The following NELL2 variants were observed in gnomAD, a reference collection of about 807,000 sequenced individuals.
NELL2 encodes protein kinase C-binding protein NELL2.
Under a neutral mutation model 109.6 loss-of-function variants are expected in NELL2, and 41 were observed. The observed-to-expected ratio is 0.37, with a 90% confidence interval of 0.29 to 0.49. The LOEUF (loss-of-function observed/expected upper bound fraction) is 0.49. NELL2 is among the 20% of genes least tolerant of loss of function. The pLI is 0.98. For synonymous variants in NELL2, 355 were observed against 344.7 expected, an observed-to-expected ratio of 1.03 and a Z score of -0.33; for missense variants, 900 against 1,008.3, an observed-to-expected ratio of 0.89 and a Z score of 1.45.
upstream of NELL2, among the ~76,000 whole-genome samples, chr12:44,917,380 C>G (rs1220732813): frequency 6.6e-6 from 1 of 152,198 alleles, no homozygotes; most frequent in Non-Finnish European, 1.5e-5. Context: ...TCCAACTGTC[C>G]TAAGTCTTAG....
At position 44,910,955 on chromosome 12, in the gene NELL2, C is replaced by T. The variant is rs146906061; in HGVS notation, c.38+2844G>A. Among the ~76,000 whole-genome samples the T allele has an allele frequency of 8.0e-4, 122 of 152,008 alleles. 1 individual carries two copies. Among genetic ancestry groups the T allele is most frequent in the Admixed American group, 3.9e-3 (59 of 15,238 alleles). On this transcript the variant is annotated intron_variant, in intron 1 of 20. Transcript: ENST00000333837. ...ATAAGTGGGAGCTAAACTTTAGGTACTTTTGGACATAAAGATGGCAATAAT... is the reference window on the plus strand; with the variant it reads ...ATAAGTGGGAGCTAAACTTTAGGTATTTTTGGACATAAAGATGGCAATAAT...
At chr12:44,853,848 C>T (rs575518994) in intron 2 of NELL2, among the ~76,000 whole-genome samples, 61 of 152,162 alleles carry the variant, frequency 4.0e-4, no homozygotes, top group Non-Finnish European at 6.0e-4. Context: ...CAGTGAAGGA[C>T]ATGTCCTCCT....
At chr12:44,603,840 C>T (rs1945304803) in intron 15 of NELL2, among the ~76,000 whole-genome samples, 1 of 152,082 alleles carries the variant, frequency 6.6e-6, no homozygotes, top group South Asian at 2.1e-4. Flanking sequence ...GTGGTAAGTG[C>T]AAGACACATT....
chr12:44,902,680 G>A (rs1592713408), intron 1 of NELL2, among the ~76,000 whole-genome samples: 1 of 152,158 alleles, frequency 6.6e-6, no homozygotes. Context: ...AACCAAAACA[G>A]CATGGTACTG....
At chr12:44,871,011 A>G (rs1408523816) in intron 2 of NELL2, among the ~76,000 whole-genome samples, 1 of 152,036 alleles carries the variant, frequency 6.6e-6, no homozygotes, top group Non-Finnish European at 1.5e-5. Flanking sequence ...TTCCTCATAT[A>G]CTTTATTTCA....
chr12:44,579,304 T>C (rs1944237869), intron 15 of NELL2, among the ~76,000 whole-genome samples: 2 of 152,208 alleles, frequency 1.3e-5, no homozygotes, highest in South Asian at 4.1e-4. Flanking sequence ...ACCAGGGGGC[T>C]AATTATAGGT....
intron 1 of NELL2, among the ~76,000 whole-genome samples, chr12:44,907,038 T>A (rs1437930070): frequency 1.3e-5 from 2 of 152,046 alleles, no homozygotes; most frequent in Non-Finnish European, 2.9e-5. Context: ...AGTGAGTGAG[T>A]TCTTATGAGA....
intron 2 of NELL2, among the ~76,000 whole-genome samples, chr12:44,862,966 T>C (rs1168767126): frequency 6.6e-6 from 1 of 152,224 alleles, no homozygotes; most frequent in Non-Finnish European, 1.5e-5. Context: ...ACATATACTT[T>C]AAGTTCTGGG....
At chr12:44,854,648 T>TTGGATGGA (rs1020188041) in intron 2 of NELL2, among the ~76,000 whole-genome samples, 3 of 145,144 alleles carry the variant, frequency 2.1e-5, no homozygotes, top group South Asian at 2.4e-4. Flanking sequence ...GACATGTTTA[T>TTGGATGGA]TGGATGGATG....
Position 44,508,345 on chromosome 12 carries a change from AAAT to A in NELL2, c.*586_*588del, listed in dbSNP as rs1449114900. 6.6e-6 allele frequency: 1 copy of A among 152,632 alleles called. No individual in the cohort carries two copies. The highest frequency in any genetic ancestry group is 2.4e-5 in the African/African-American group (1 of 41,454). The allele number at this position is 152,632 out of a possible 1,614,324, so 9.5% of individuals were successfully genotyped here. The stretch of plus-strand genomic sequence containing the variant: ...GAGCTTATACTGAACAAATTCAACC[AAAT>A]AATATTAAGTGCAGTAAAACAAGGA... On this transcript the variant is annotated 3_prime_UTR_variant, in exon 20 of 20. Transcript: ENST00000429094.
chr12:44,509,940 C>T (rs1054009554), intron 19 of NELL2, among the ~76,000 whole-genome samples: 1 of 151,562 alleles, frequency 6.6e-6, no homozygotes, highest in Non-Finnish European at 1.5e-5. Context: ...AGTTAAGAAA[C>T]TGAAAAAAAG....
intron 13 of NELL2, among the ~76,000 whole-genome samples, chr12:44,619,631 G>A (rs923868192): frequency 4.6e-5 from 7 of 152,056 alleles, no homozygotes; most frequent in East Asian, 3.9e-4. Flanking sequence ...ATGAGAAGGC[G>A]GCGGAAGAGG....
intron 9 of NELL2, among the ~76,000 whole-genome samples, chr12:44,744,158 G>A (rs183414087): frequency 2.6e-4 from 40 of 152,102 alleles, no homozygotes; most frequent in African/African-American, 7.9e-4. Flanking sequence ...ACTCAAAACC[G>A]CTCAACTACA....
chr12:44,678,459 G>T (rs1297324552), intron 12 of NELL2, among the ~76,000 whole-genome samples: 1 of 151,948 alleles, frequency 6.6e-6, no homozygotes, highest in Non-Finnish European at 1.5e-5. Context: ...GTCCAGTCTT[G>T]GATGGCATCA....
chr12:44,918,513 A>ATGTG (rs1491464728), upstream of NELL2, among the ~76,000 whole-genome samples: 905 of 121,378 alleles, frequency 7.5e-3, 12 homozygotes, highest in East Asian at 0.059. Flanking sequence ...TCATGCATGC[A>ATGTG]TGTATGTGTG....
chr12:44,825,082 G>A (rs1943666602), intron 2 of NELL2, among the ~76,000 whole-genome samples: 1 of 152,074 alleles, frequency 6.6e-6, no homozygotes, highest in Admixed American at 6.6e-5. Flanking sequence ...GACTGCTTTG[G>A]CTATTTGGGG....
chr12:44,706,625 A>C (rs1937894402), intron 11 of NELL2, among the ~76,000 whole-genome samples: 2 of 152,182 alleles, frequency 1.3e-5, no homozygotes, highest in South Asian at 4.1e-4. Flanking sequence ...TAAAAATGTG[A>C]GGTTCCAATG....
intron 12 of NELL2, among the ~76,000 whole-genome samples, chr12:44,672,315 G>A (rs1202222802): frequency 1.3e-5 from 2 of 152,172 alleles, no homozygotes; most frequent in Non-Finnish European, 2.9e-5. Flanking sequence ...CAGAGCAGAG[G>A]TGGCATTAGA....
At chr12:44,538,277 G>T (rs890189539) in intron 15 of NELL2, among the ~76,000 whole-genome samples, 2 of 152,116 alleles carry the variant, frequency 1.3e-5, no homozygotes, top group Admixed American at 1.3e-4. Context: ...TCAGTGAATT[G>T]CAGCTCATTG....
Sources: gnomAD v4.1 joint callset for allele counts (sites outside exome capture counted in the v4.1 genomes callset) on GRCh38, gnomAD v4.1.1 for gene constraint, MANE v1.5 for transcripts, NCBI Gene and HGNC (gene_info 2026-07-23, HGNC 2026-07-21) for gene names.